The following SERINC5 variants were observed in gnomAD, a reference collection of about 807,000 sequenced individuals.
SERINC5 encodes the protein chromosome 5 open reading frame 12.
Under a neutral mutation model 63.1 loss-of-function variants are expected in SERINC5, and 41 were observed. That is an observed-to-expected ratio of 0.65 (90% CI 0.51 to 0.84). The LOEUF (loss-of-function observed/expected upper bound fraction) is 0.84, where lower values mean the gene tolerates loss of function less well. Among genes scored for constraint, SERINC5 ranks in the 40% least tolerant of loss-of-function variants. SERINC5 has a pLI of 0.00. For synonymous variants in SERINC5, 222 were observed against 215.2 expected, an observed-to-expected ratio of 1.03 and a Z score of -0.28; for missense variants, 523 against 573.0, an observed-to-expected ratio of 0.91 and a Z score of 0.89.
At chr5:80,160,934 G>A (rs6894947) in intron 7 of SERINC5, among the ~76,000 whole-genome samples, 17 of 131,970 alleles carry the variant, frequency 1.3e-4, no homozygotes, top group Admixed American at 3.1e-4. Flanking sequence ...GTGTGTGTGT[G>A]TATATATATG....
chr5:80,146,084 A>G lies in SERINC5; in HGVS notation c.1238+6T>C. On this transcript the variant is annotated splice_donor_region_variant and intron_variant, in intron 11 of 11. Coordinates refer to ENST00000507668, the MANE Select transcript of SERINC5 (RefSeq NM_001174072.3). ...TCAAAAATACCTAAGCAAATGGGCCACTCACTTGAACCAGTTGGTGACGGT... is the reference window on the plus strand; with the variant it reads ...TCAAAAATACCTAAGCAAATGGGCCGCTCACTTGAACCAGTTGGTGACGGT... The G allele has an allele frequency of 6.2e-7, 1 of 1,613,914 alleles. No homozygotes were observed.
intron 2 of SERINC5, among the ~76,000 whole-genome samples, chr5:80,186,882 G>A (rs1036202017): frequency 3.9e-5 from 6 of 152,014 alleles, no homozygotes; most frequent in Non-Finnish European, 8.8e-5. Flanking sequence ...TAGGCCAGGC[G>A]CGGTGGCTCA....
chr5:80,218,052 A>G (rs544641640), intron 1 of SERINC5, among the ~76,000 whole-genome samples: 1 of 152,346 alleles, frequency 6.6e-6, no homozygotes, highest in South Asian at 2.1e-4. Context: ...AGACAACTAA[A>G]GGAAGTCATC....
At chr5:80,254,503 G>A (rs1328003024) in intron 1 of SERINC5, among the ~76,000 whole-genome samples, 1 of 152,128 alleles carries the variant, frequency 6.6e-6, no homozygotes, top group East Asian at 1.9e-4. Flanking sequence ...AGCCTCAAGG[G>A]GACTTCAAGG....
intron 1 of SERINC5, among the ~76,000 whole-genome samples, chr5:80,223,564 T>A (rs1378389354): frequency 6.6e-6 from 1 of 152,226 alleles, no homozygotes; most frequent in Non-Finnish European, 1.5e-5. Flanking sequence ...TCACTAACTT[T>A]CTCATGGTAT....
In SERINC5 at chr5:80,207,720, CAT is replaced by C. The variant is rs377157495; in HGVS notation, c.28-4669_28-4668del. Among the ~76,000 whole-genome samples, 242 of 152,330 alleles carry C rather than the reference CAT, an allele frequency of 1.6e-3. 2 individuals carry two copies. The highest frequency in any genetic ancestry group is 5.6e-3 in the African/African-American group (232 of 41,566). The stretch of plus-strand genomic sequence containing the variant: ...ATATGTATGTGTACCTATACACACA[CAT>C]TCCAAATATTAGAATGGACTAGCCT... On this transcript the variant is annotated intron_variant, in intron 1 of 11. Transcript: ENST00000507668.
At position 80,234,697 on chromosome 5, in the gene SERINC5, T is replaced by A. The variant is rs567958408; in HGVS notation, c.27+21199A>T. Reference sequence around the variant, plus strand: ...CTCCAACCTCCTATTATTACTCTATTGCTGTAACCACCGGTGGCAGTTTCT... The same window carrying A: ...CTCCAACCTCCTATTATTACTCTATAGCTGTAACCACCGGTGGCAGTTTCT... On this transcript the variant is annotated intron_variant, in intron 1 of 11. Transcript: ENST00000507668. 8.5e-5 allele frequency among the ~76,000 whole-genome samples: 13 copies of A among 152,340 alleles called. No homozygotes were observed. The South Asian group carries it at 2.5e-3, about 29-fold the overall frequency.
chr5:80,254,852 C>T (rs931704097), intron 1 of SERINC5, among the ~76,000 whole-genome samples: 1 of 152,200 alleles, frequency 6.6e-6, no homozygotes, highest in Non-Finnish European at 1.5e-5. Flanking sequence ...CTAAACAGGA[C>T]AGATTATCTG....
intron 1 of SERINC5, among the ~76,000 whole-genome samples, chr5:80,244,678 C>T (rs1270961971): frequency 1.3e-5 from 2 of 151,886 alleles, no homozygotes; most frequent in East Asian, 2.0e-4. Context: ...AAAAATTAGC[C>T]GGGCCTAGTG....
At chr5:80,233,554 G>A (rs1286861619) in intron 1 of SERINC5, among the ~76,000 whole-genome samples, 1 of 152,088 alleles carries the variant, frequency 6.6e-6, no homozygotes, top group Non-Finnish European at 1.5e-5. Context: ...AAGTGCAAGT[G>A]TGGACATCTC....
At chr5:80,235,890 G>A (rs934622686) in intron 1 of SERINC5, among the ~76,000 whole-genome samples, 2 of 152,112 alleles carry the variant, frequency 1.3e-5, no homozygotes, top group Non-Finnish European at 2.9e-5. Flanking sequence ...TGATTTATAA[G>A]AACACTGTGC....
chr5:80,164,964 A>G (rs958093284), intron 7 of SERINC5, among the ~76,000 whole-genome samples: 8 of 118,834 alleles, frequency 6.7e-5, no homozygotes, highest in African/African-American at 2.7e-4. Flanking sequence ...GGCTGGTCTC[A>G]GCTCCTGGCT....
At chr5:80,131,503 AGT>A (rs1744948077) in intron 11 of SERINC5, among the ~76,000 whole-genome samples, 1 of 152,134 alleles carries the variant, frequency 6.6e-6, no homozygotes, top group Non-Finnish European at 1.5e-5. Flanking sequence ...TATGGGAAAG[AGT>A]GTGTGCAGAG....
chr5:80,222,892 C>T (rs990736407), intron 1 of SERINC5, among the ~76,000 whole-genome samples: 4 of 151,928 alleles, frequency 2.6e-5, no homozygotes, highest in Non-Finnish European at 5.9e-5. Context: ...GACAGTCTCA[C>T]TCTGTTGCCC....
At chr5:80,150,988 C>T in intron 8 of SERINC5, 40 bp from the exon 9 acceptor site, 2 of 1,429,960 alleles carry the variant, frequency 1.4e-6, no homozygotes, top group Non-Finnish European at 2.0e-6. Flanking sequence ...CATATTAACA[C>T]ATTACAACAC....
chr5:80,227,330 A>G (rs759822084), intron 1 of SERINC5, among the ~76,000 whole-genome samples: 3 of 152,208 alleles, frequency 2.0e-5, no homozygotes, highest in Non-Finnish European at 4.4e-5. Context: ...TTTTTTTCAC[A>G]AATGAGAAAA....
At chr5:80,186,418 G>A (rs150756942) in intron 2 of SERINC5, among the ~76,000 whole-genome samples, 415 of 152,236 alleles carry the variant, frequency 2.7e-3, no homozygotes, top group African/African-American at 9.1e-3. Context: ...GATTACAGGC[G>A]TGAGCCACCG....
At chr5:80,163,543 AG>A (rs921347499) in intron 7 of SERINC5, among the ~76,000 whole-genome samples, 1 of 149,972 alleles carries the variant, frequency 6.7e-6, no homozygotes, top group Non-Finnish European at 1.5e-5. Context: ...TACTTTATTG[AG>A]GGTTTTTTTT....
At chr5:80,134,495 C>T (rs1745076018), downstream of SERINC5, among the ~76,000 whole-genome samples, 1 of 152,024 alleles carries the variant, frequency 6.6e-6, no homozygotes, top group Admixed American at 6.6e-5. Context: ...CAAAACAAAA[C>T]AAAACAAAAT....
Sources: gnomAD v4.1 joint callset for allele counts (sites outside exome capture counted in the v4.1 genomes callset) on GRCh38, gnomAD v4.1.1 for gene constraint, MANE v1.5 for transcripts, NCBI Gene and HGNC (gene_info 2026-07-23, HGNC 2026-07-21) for gene names.